The following IGFN1 variants were observed in gnomAD, a reference collection of about 807,000 sequenced individuals.
IGFN1 encodes immunoglobulin-like and fibronectin type III domain-containing protein 1.
Under a neutral mutation model 289.5 loss-of-function variants are expected in IGFN1, and 253 were observed. The observed-to-expected ratio is 0.87, with a 90% CI of 0.79 to 0.97. The LOEUF is 0.97. IGFN1 is among the 50% of genes least tolerant of loss of function. The probability of loss-of-function intolerance (pLI) is 0.00; values close to 1 mark genes in which losing one functional copy is unlikely to be tolerated. For missense variants in IGFN1, 4,470 were observed against 4,686.1 expected, an observed-to-expected ratio of 0.95 and a Z score of 1.35; for synonymous variants, 1,706 against 1,788.5, an observed-to-expected ratio of 0.95 and a Z score of 1.16.
chr1:201,212,598 C>T lies in IGFN1; in HGVS notation c.7705C>T (p.Gln2569Ter), dbSNP rs865868561. 6.5e-7 allele frequency: 1 copy of T among 1,546,906 alleles called. No homozygotes were observed. The highest frequency in any genetic ancestry group is 2.0e-5 in the Admixed American group (1 of 50,620). ...GACAGACAGGGGTAGAGTTGCTGGC[C>T]AGGGGGGGTTGGCATCTCAGGGAGG... ...GMTDRGRVAG[Q>*]GGLASQGGGD... The change falls in exon 12 of 24, where the codon CAG becomes TAG. Residue 2569 changes from glutamine (Q) to a stop codon, truncating the protein, a stop_gained. Coordinates refer to ENST00000335211, the MANE Select transcript of IGFN1 (RefSeq NM_001164586.2). LOFTEE classifies it high-confidence loss of function.
At chr1:201,204,372 C>T (rs1024784112) in intron 10 of IGFN1, among the ~76,000 whole-genome samples, 1 of 152,214 alleles carries the variant, frequency 6.6e-6, no homozygotes, top group Non-Finnish European at 1.5e-5. Context: ...ACTCCTCCTT[C>T]ATCAAACTCT....
At chr1:201,200,467 T>C (rs1306776979) in intron 8 of IGFN1, 56 bp downstream of exon 8, 40 of 1,405,584 alleles carry the variant, frequency 2.8e-5, no homozygotes, top group Non-Finnish European at 3.7e-5. Flanking sequence ...ACCTGGACCA[T>C]AGGTGCCTCA....
In IGFN1 at chr1:201,210,901, G is replaced by A; in HGVS notation, c.6008G>A (p.Gly2003Glu). 1 of 1,528,726 alleles carries A rather than the reference G, an allele frequency of 6.5e-7. No individual in the cohort carries two copies. Among genetic ancestry groups the A allele is most frequent in the Non-Finnish European group, 8.7e-7 (1 of 1,143,840 alleles). 94.7% of individuals were successfully genotyped at this position (1,528,726 alleles called of 1,614,324 possible). ...MDEAGYRKDL[G>E]APEGIGSGSK... Reference sequence around the variant, plus strand: ...GAGGCAGGTTATAGGAAGGATTTGGGGGCTCCTGAGGGAATAGGTTCAGGG... The same window carrying A: ...GAGGCAGGTTATAGGAAGGATTTGGAGGCTCCTGAGGGAATAGGTTCAGGG... The change falls in exon 12 of 24, where the codon GGG (glycine) becomes GAG (glutamate). Residue 2003 changes from glycine (G) to glutamate (E), a missense_variant. Transcript: ENST00000335211.
At chr1:201,220,126 T>TCTTTCTATCC (rs1653631501) in intron 18 of IGFN1, among the ~76,000 whole-genome samples, 1 of 148,698 alleles carries the variant, frequency 6.7e-6, no homozygotes, top group Non-Finnish European at 1.5e-5. Context: ...CTCCCTCTCT[T>TCTTTCTATCC]CTTTCTTTCT....
In IGFN1 at chr1:201,205,076, C is replaced by T. The variant is rs12725611; in HGVS notation, c.917-6C>T. ...GCTGATATCCCCATTCCTATTTCCC[C>T]GGCAGCCATCCCCCCAAGAGTGGTG... On this transcript the variant is annotated splice_polypyrimidine_tract_variant and splice_region_variant and intron_variant, in intron 10 of 23. Coordinates refer to ENST00000335211, the MANE Select transcript of IGFN1 (RefSeq NM_001164586.2). 0.22 allele frequency: 332,627 copies of T among 1,533,260 alleles called. 38,295 individuals are homozygous for T. Among genetic ancestry groups the T allele is most frequent in the Middle Eastern group, 0.26 (1,518 of 5,916 alleles). The allele number at this position is 1,533,260 out of a possible 1,614,324, so 95.0% of individuals were successfully genotyped here. A position where few individuals can be genotyped will look rare whatever the true frequency, so the allele number is the denominator to read the frequency against.
rs1053780966 is a variant in IGFN1, at chr1:201,206,114, T to G, written c.1221T>G (p.Ser407Arg). The G allele has an allele frequency of 2.6e-6, 4 of 1,550,812 alleles. No individual in the cohort carries two copies. The highest frequency in any genetic ancestry group is 2.4e-5 in the East Asian group (1 of 40,926). ...AGKDKDLQST[S>R]ADHKLQRQGA... ...AGGATAAAGACCTTCAGTCCACAAG[T>G]GCTGACCACAAACTGCAGAGGCAAG... The change falls in exon 12 of 24, where the codon AGT (serine) becomes AGG (arginine). Residue 407 changes from serine to arginine, a missense_variant. This residue lies in a region of IGFN1 where 2,011 missense variants were observed against 1,953.4 expected (regional missense o/e 1.03). Coordinates refer to ENST00000335211, the MANE Select transcript of IGFN1 (RefSeq NM_001164586.2).
chr1:201,208,131 C>A lies in IGFN1; in HGVS notation c.3238C>A (p.Pro1080Thr). 3.3e-6 allele frequency: 5 copies of A among 1,536,898 alleles called. No homozygotes were observed. Among genetic ancestry groups the A allele is most frequent in the Non-Finnish European group, 4.4e-6 (5 of 1,146,828 alleles). ...GHHSDGGLGS[P>T]GVTGSAGRGG... ...CCATTCAGATGGTGGCCTAGGGAGT[C>A]CTGGGGTGACAGGGTCTGCGGGTAG... The change falls in exon 12 of 24, where the codon CCT (proline) becomes ACT (threonine). Residue 1080 changes from proline to threonine, a missense_variant. By Grantham distance (38) the Pro-to-Thr change is conservative. Coordinates refer to ENST00000335211, the MANE Select transcript of IGFN1 (RefSeq NM_001164586.2).
At chr1:201,202,541 G>C (rs1168926395) in intron 9 of IGFN1, among the ~76,000 whole-genome samples, 3 of 151,844 alleles carry the variant, frequency 2.0e-5, no homozygotes, top group African/African-American at 2.4e-5. Context: ...GCTCATCCCC[G>C]ATATCGACAG....
At position 201,201,859 on chromosome 1, in the gene IGFN1, G is replaced by T. The variant is rs752948772; in HGVS notation, c.747+27G>T. Reference sequence around the variant, plus strand: ...TGAGGCTGGAGGGGCTATGGGTGGGGGGGATCTGGCAGGGATGCTTCAGGT... The same window carrying T: ...TGAGGCTGGAGGGGCTATGGGTGGGTGGGATCTGGCAGGGATGCTTCAGGT... On this transcript the variant is annotated intron_variant, in intron 9 of 23. Coordinates refer to ENST00000335211, the MANE Select transcript of IGFN1 (RefSeq NM_001164586.2). The T allele has an allele frequency of 4.2e-6, 4 of 963,254 alleles. No homozygotes were observed. In the African/African-American group the frequency reaches 6.5e-5, roughly 16 times the overall value. 59.7% of individuals were successfully genotyped at this position (963,254 alleles called of 1,614,324 possible). A position where few individuals can be genotyped will look rare whatever the true frequency, so the allele number is the denominator to read the frequency against.
chr1:201,216,935 G>A (rs1232288792), intron 16 of IGFN1, among the ~76,000 whole-genome samples, 182 bp downstream of exon 16: 1 of 152,096 alleles, frequency 6.6e-6, no homozygotes, highest in Non-Finnish European at 1.5e-5. Flanking sequence ...CCCAGATCAG[G>A]AAGTGTTTTA....
chr1:201,226,801 G>A (rs967136643), intron 22 of IGFN1, 81 bp from the exon 23 acceptor site: 2 of 1,110,534 alleles, frequency 1.8e-6, no homozygotes, highest in Non-Finnish European at 2.6e-6. Flanking sequence ...GTAGCTTCAT[G>A]AACTCTTTAC....
In IGFN1 at chr1:201,227,031, A is replaced by AT. The variant is rs751004841; in HGVS notation, c.10936_10937insT (p.Thr3646IlefsTer6). 23 of 1,613,534 alleles carry AT rather than the reference A, an allele frequency of 1.4e-5. No individual in the cohort carries two copies. In the East Asian group the frequency reaches 4.2e-4, roughly 30 times the overall value. On this transcript the variant is annotated frameshift_variant, in exon 23 of 24. Coordinates refer to ENST00000335211, the MANE Select transcript of IGFN1 (RefSeq NM_001164586.2). LOFTEE classifies it high-confidence loss of function. The stretch of plus-strand genomic sequence containing the variant: ...GCAGGGCTCGCCCCGGCCCCACGTC[A>AT]CCTGGTTCAAGAATGACCGCAGCCT...
chr1:201,201,737 AGCTTAAGACACATCAGG>A lies in IGFN1; in HGVS notation c.654_670del (p.Leu219HisfsTer9). On this transcript the variant is annotated frameshift_variant, in exon 9 of 24. Transcript: ENST00000335211. LOFTEE classifies it high-confidence loss of function. ...TTTGTAGTACATCAACACCATCTCC[AGCTTAAGACACATCAGG>A]GTCACCAAGGATGGGAATGCAAAGT... is the stretch of plus-strand genomic sequence containing the variant. The A allele has an allele frequency of 1.3e-6, 2 of 1,544,384 alleles. No homozygotes were observed. Among genetic ancestry groups the A allele is most frequent in the Non-Finnish European group, 1.8e-6 (2 of 1,139,974 alleles).
chr1:201,207,758 C>T lies in IGFN1; in HGVS notation c.2865C>T (p.Tyr955=), dbSNP rs1193549736. The change falls in exon 12 of 24, where the codon TAC becomes TAT. Residue 955 remains tyrosine (Y), a synonymous_variant. Coordinates refer to ENST00000335211, the MANE Select transcript of IGFN1 (RefSeq NM_001164586.2). The part of the protein sequence containing the change: ...LEGPGRMESR[Y]EGGLGYSREI... ...GTCCCGGGAGAATGGAATCTAGGTA[C>T]GAGGGTGGCTTAGGATATTCTAGGG... 7.8e-6 allele frequency: 12 copies of T among 1,536,564 alleles called. No individual in the cohort carries two copies. In the South Asian group the frequency reaches 9.5e-5, roughly 12 times the overall value.
At chr1:201,203,489 T>C (rs1287056949) in intron 9 of IGFN1, among the ~76,000 whole-genome samples, 1 of 152,216 alleles carries the variant, frequency 6.6e-6, no homozygotes, top group Non-Finnish European at 1.5e-5. Context: ...CCCCTTTGTA[T>C]AACACTTGCA....
chr1:201,205,301 C>T lies in IGFN1; in HGVS notation c.1136C>T (p.Pro379Leu). ...VRGARFSDMG[P>L]YSLGTGLYTS... ...GGGGCACGTTTCTCAGACATGGGCC[C>T]CTATTCGCTGGGCACCGGGCTCTAC... is the stretch of plus-strand genomic sequence containing the variant. The change falls in exon 11 of 24, where the codon CCC becomes CTC. Residue 379 changes from proline (P) to leucine (L), a missense_variant. Coordinates refer to ENST00000335211, the MANE Select transcript of IGFN1 (RefSeq NM_001164586.2). The T allele has an allele frequency of 1.3e-6, 2 of 1,502,412 alleles. No homozygotes were observed. The highest frequency in any genetic ancestry group is 1.8e-6 in the Non-Finnish European group (2 of 1,122,926). The allele number at this position is 1,502,412 out of a possible 1,614,324, so 93.1% of individuals were successfully genotyped here. A position where few individuals can be genotyped will look rare whatever the true frequency, so the allele number is the denominator to read the frequency against.
At chr1:201,224,902 G>A in intron 21 of IGFN1, 28 bp downstream of exon 21, 1 of 1,577,862 alleles carries the variant, frequency 6.3e-7, no homozygotes, top group Non-Finnish European at 8.6e-7. Context: ...CTGGGCTCTG[G>A]ACGCTGGCTC....
rs1654280570 is a variant in IGFN1, at chr1:201,228,764, A to G, written c.*365A>G. On this transcript the variant is annotated 3_prime_UTR_variant, in exon 24 of 24. Transcript: ENST00000335211. ...TGAGCCGTTTGGAGGGAGGGTGGGC[A>G]CAGCTGGGCCTGCTGTGACCACTGG... The G allele has an allele frequency of 3.4e-6, 1 of 295,818 alleles. No homozygotes were observed. Among genetic ancestry groups the G allele is most frequent in the Admixed American group, 4.5e-5 (1 of 22,166 alleles). The allele number at this position is 295,818 out of a possible 1,614,324, so 18.3% of individuals were successfully genotyped here. A position where few individuals can be genotyped will look rare whatever the true frequency, so the allele number is the denominator to read the frequency against.
chr1:201,213,070 C>T lies in IGFN1; in HGVS notation c.8177C>T (p.Thr2726Ile), dbSNP rs76562797. 6.4e-7 allele frequency: 1 copy of T among 1,551,632 alleles called. No homozygotes were observed. Among genetic ancestry groups the T allele is most frequent in the Non-Finnish European group, 8.7e-7 (1 of 1,146,956 alleles). The change falls in exon 12 of 24, where the codon ACC (threonine) becomes ATC (isoleucine). Residue 2726 changes from threonine to isoleucine, a missense_variant. This residue lies in a region of IGFN1 where 2,218 missense variants were observed against 2,114.1 expected (regional missense o/e 1.05). Transcript: ENST00000335211. ...TCTACTGAGTGGGGGAATGCCCTCACCCCAAAACCTGGGGAGTCCGGACCT... is the reference window on the plus strand; with the variant it reads ...TCTACTGAGTGGGGGAATGCCCTCATCCCAAAACCTGGGGAGTCCGGACCT... ...GNSTEWGNAL[T>I]PKPGESGPQG...
Sources: allele counts gnomAD v4.1 joint callset (sites outside exome capture counted in the v4.1 genomes callset), GRCh38; gene constraint gnomAD v4.1.1; regional missense constraint gnomAD v4.1.1; transcripts MANE v1.5; gene names NCBI Gene and HGNC (gene_info 2026-07-23, HGNC 2026-07-21).